The following ZDHHC14 variants were observed in gnomAD, a reference collection of about 807,000 sequenced individuals.
ZDHHC14 encodes zDHHC palmitoyltransferase 14.
In ZDHHC14, 16 loss-of-function variants were observed where a neutral mutation model predicts 47.7. The observed-to-expected ratio is 0.34, with a 90% CI of 0.23 to 0.51. The LOEUF is 0.51. ZDHHC14 is among the 20% of genes least tolerant of loss of function. The pLI is 0.97. For missense variants in ZDHHC14, 515 were observed against 662.5 expected (o/e 0.78, Z 2.44); for synonymous variants, 293 against 278.9 (o/e 1.05, Z -0.50).
At position 157,434,218 on chromosome 6, in the gene ZDHHC14, T is replaced by TTATATA. The variant is rs373321908; in HGVS notation, c.245+51965_245+51970dup. Among the ~76,000 whole-genome samples the TTATATA allele has an allele frequency of 4.4e-4, 65 of 146,558 alleles. 1 individual carries two copies. The highest frequency in any genetic ancestry group is 1.2e-3 in the African/African-American group (47 of 39,210). On this transcript the variant is annotated intron_variant, in intron 1 of 8. Coordinates refer to ENST00000359775, the MANE Select transcript of ZDHHC14 (RefSeq NM_024630.3). ...TTTAGAGAGAAGCTAGCTTATAATT[T>TTATATA]TATATATATATATATATAATTCTTT...
At chr6:157,443,755 A>G (rs754802483) in intron 1 of ZDHHC14, among the ~76,000 whole-genome samples, 5 of 152,306 alleles carry the variant, frequency 3.3e-5, no homozygotes, top group Non-Finnish European at 5.9e-5. Flanking sequence ...GGCCCAATTG[A>G]TCGACTCATG....
chr6:157,428,321 G>C (rs1306456323), intron 1 of ZDHHC14, among the ~76,000 whole-genome samples: 3 of 152,062 alleles, frequency 2.0e-5, no homozygotes, highest in Non-Finnish European at 4.4e-5. Context: ...TCAGGAAAGT[G>C]GACTGGATTT....
At chr6:157,658,602 AGAGTAG>A (rs1778206219) in intron 8 of ZDHHC14, among the ~76,000 whole-genome samples, 1 of 152,098 alleles carries the variant, frequency 6.6e-6, no homozygotes, top group Non-Finnish European at 1.5e-5. Context: ...AACTTTCTTG[AGAGTAG>A]GAGTGTGTGT....
intron 2 of ZDHHC14, among the ~76,000 whole-genome samples, chr6:157,555,737 T>A (rs1030644574): frequency 6.6e-6 from 1 of 152,184 alleles, no homozygotes; most frequent in African/African-American, 2.4e-5. Flanking sequence ...AATTCCTTGT[T>A]GTGGGCCCCG....
chr6:157,671,128 G>A (rs1158128732), intron 8 of ZDHHC14, among the ~76,000 whole-genome samples: 1 of 152,156 alleles, frequency 6.6e-6, no homozygotes, highest in African/African-American at 2.4e-5. Context: ...AAATCACAAA[G>A]CCATTGGTGA....
chr6:157,644,790 G>C (rs1281172021), intron 5 of ZDHHC14, among the ~76,000 whole-genome samples: 2 of 152,198 alleles, frequency 1.3e-5, no homozygotes, highest in Non-Finnish European at 2.9e-5. Context: ...AGATGTATGT[G>C]TAAACTCCCA....
At chr6:157,522,553 C>G (rs1249645233) in intron 1 of ZDHHC14, among the ~76,000 whole-genome samples, 1 of 151,910 alleles carries the variant, frequency 6.6e-6, no homozygotes, top group Admixed American at 6.6e-5. Flanking sequence ...GAAATACAGG[C>G]TCAGGAAACA....
intron 2 of ZDHHC14, 141 bp downstream of exon 2, chr6:157,542,886 C>A: frequency 9.3e-7 from 1 of 1,071,148 alleles, no homozygotes; most frequent in Non-Finnish European, 1.3e-6. Flanking sequence ...CCTTAGCTCG[C>A]TGGGTGGGCA....
At chr6:157,516,053 G>A (rs1412800552) in intron 1 of ZDHHC14, among the ~76,000 whole-genome samples, 1 of 152,080 alleles carries the variant, frequency 6.6e-6, no homozygotes. Context: ...CAGAGTAACC[G>A]CTACCCTGCC....
At chr6:157,537,400 G>C (rs1005240748) in intron 1 of ZDHHC14, among the ~76,000 whole-genome samples, 3 of 152,200 alleles carry the variant, frequency 2.0e-5, no homozygotes, top group Non-Finnish European at 4.4e-5. Flanking sequence ...TTGTGCATAG[G>C]TATTTATCAT....
intron 2 of ZDHHC14, among the ~76,000 whole-genome samples, chr6:157,553,269 G>A (rs1782320551): frequency 6.6e-6 from 1 of 152,136 alleles, no homozygotes; most frequent in African/African-American, 2.4e-5. Context: ...AGATATTGAG[G>A]GTGAGGGTTC....
chr6:157,623,749 C>T (rs1013024718), intron 3 of ZDHHC14, among the ~76,000 whole-genome samples: 1 of 151,972 alleles, frequency 6.6e-6, no homozygotes, highest in Non-Finnish European at 1.5e-5. Context: ...GGGGTTTCAC[C>T]ATGTTGGCCA....
At chr6:157,519,201 G>A (rs569601165) in intron 1 of ZDHHC14, among the ~76,000 whole-genome samples, 2 of 152,304 alleles carry the variant, frequency 1.3e-5, no homozygotes, top group Admixed American at 6.5e-5. Context: ...TGTTTTTTAC[G>A]TATTTTCCAA....
intron 2 of ZDHHC14, among the ~76,000 whole-genome samples, chr6:157,581,638 T>C (rs544249959): frequency 2.3e-4 from 35 of 152,302 alleles, no homozygotes; most frequent in African/African-American, 8.4e-4. Context: ...AGTTAGGTCT[T>C]CTTATTGAAT....
At chr6:157,392,064 T>TA (rs1777428897) in intron 1 of ZDHHC14, among the ~76,000 whole-genome samples, 1 of 152,262 alleles carries the variant, frequency 6.6e-6, no homozygotes, top group East Asian at 1.9e-4. Flanking sequence ...ACTTCCATTT[T>TA]ACAGATTTTG....
intron 1 of ZDHHC14, among the ~76,000 whole-genome samples, chr6:157,414,917 C>T (rs111961736): frequency 1.1e-3 from 153 of 144,086 alleles, no homozygotes; most frequent in African/African-American, 3.8e-3. Flanking sequence ...TACAGGCTTT[C>T]GAGACATTTT....
At chr6:157,489,449 ATGTTTTTATTGT>A (rs1362877878) in intron 1 of ZDHHC14, among the ~76,000 whole-genome samples, 2 of 151,392 alleles carry the variant, frequency 1.3e-5, no homozygotes, top group Admixed American at 6.6e-5. Context: ...TTTTTTTTGA[ATGTTTTTATTGT>A]TGTTTTTATT....
chr6:157,572,936 G>C (rs934453519), intron 2 of ZDHHC14, among the ~76,000 whole-genome samples: 17 of 151,868 alleles, frequency 1.1e-4, no homozygotes, highest in African/African-American at 4.1e-4. Context: ...TAAGTAGTCA[G>C]GTTCTCTTGG....
intron 8 of ZDHHC14, among the ~76,000 whole-genome samples, chr6:157,658,829 G>C (rs1778219758): frequency 6.6e-6 from 1 of 152,242 alleles, no homozygotes; most frequent in Admixed American, 6.5e-5. Flanking sequence ...CGGCTTCATG[G>C]AAGGAGTTGA....
Sources: gnomAD v4.1 joint callset for allele counts (sites outside exome capture counted in the v4.1 genomes callset) on GRCh38, gnomAD v4.1.1 for gene constraint, MANE v1.5 for transcripts, NCBI Gene and HGNC (gene_info 2026-07-23, HGNC 2026-07-21) for gene names.